The following VWA3B variants were observed in gnomAD, a reference collection of about 807,000 sequenced individuals.
VWA3B encodes the protein von Willebrand factor A domain-containing protein 3B.
In VWA3B, 138 loss-of-function variants were observed where a neutral mutation model predicts 158.3. The observed-to-expected ratio is 0.87, with a 90% CI of 0.76 to 1.00. The LOEUF is 1.00. Ranked by LOEUF, VWA3B falls within the 50% of genes least tolerant of loss-of-function variation. The probability of loss-of-function intolerance (pLI) is 0.00; values close to 1 mark genes in which losing one functional copy is unlikely to be tolerated. For synonymous variants in VWA3B, 596 were observed against 587.3 expected, an observed-to-expected ratio of 1.01 and a Z score of -0.21; for missense variants, 1,555 against 1,565.1, an observed-to-expected ratio of 0.99 and a Z score of 0.11.
At chr2:98,128,458 C>T in intron 6 of VWA3B, 50 bp downstream of exon 6, 1 of 1,594,060 alleles carries the variant, frequency 6.3e-7, no homozygotes, top group Non-Finnish European at 8.6e-7. Flanking sequence ...TGCCTGCTCA[C>T]ACAGGATCAA....
chr2:98,242,961 C>G (rs556269376), intron 19 of VWA3B, among the ~76,000 whole-genome samples: 1 of 151,828 alleles, frequency 6.6e-6, no homozygotes, highest in African/African-American at 2.4e-5. Context: ...ACAGTTATCA[C>G]AAAACCTACA....
intron 3 of VWA3B, among the ~76,000 whole-genome samples, chr2:98,117,254 A>G (rs1485115330): frequency 6.6e-6 from 1 of 152,036 alleles, no homozygotes; most frequent in Non-Finnish European, 1.5e-5. Flanking sequence ...TCATCCTTTT[A>G]AGTTGCCATC....
chr2:98,275,854 G>C (rs969252549), intron 22 of VWA3B, among the ~76,000 whole-genome samples: 9 of 152,238 alleles, frequency 5.9e-5, no homozygotes, highest in African/African-American at 1.9e-4. Context: ...GGGTAGAAGG[G>C]TGGGTAGAAG....
At chr2:98,162,397 T>C (rs1160709746) in intron 7 of VWA3B, among the ~76,000 whole-genome samples, 1 of 152,176 alleles carries the variant, frequency 6.6e-6, no homozygotes, top group African/African-American at 2.4e-5. Flanking sequence ...CAATCACTAT[T>C]ACATTGGGGG....
chr2:98,095,089 G>A lies in VWA3B; in HGVS notation c.196+1801G>A, dbSNP rs192620002. 4.8e-3 allele frequency among the ~76,000 whole-genome samples: 728 copies of A among 152,132 alleles called. 2 individuals are homozygous for A. Among genetic ancestry groups the A allele is most frequent in the Non-Finnish European group, 7.5e-3 (513 of 67,962 alleles). ...TCCAGGTTTGTTCTTTTTGCTCAAG[G>A]TTGCTTTGGGTATTCTGGCTTTCTT... is the stretch of plus-strand genomic sequence containing the variant. On this transcript the variant is annotated intron_variant, in intron 2 of 27. Coordinates refer to ENST00000477737, the MANE Select transcript of VWA3B (RefSeq NM_144992.5).
chr2:98,114,617 G>C (rs1037866840), intron 2 of VWA3B, among the ~76,000 whole-genome samples: 5 of 152,238 alleles, frequency 3.3e-5, no homozygotes, highest in Admixed American at 6.5e-5. Flanking sequence ...CCACCATTCT[G>C]TCTCCCACCT....
chr2:98,287,524 G>A (rs911266540), intron 22 of VWA3B, among the ~76,000 whole-genome samples: 1 of 152,140 alleles, frequency 6.6e-6, no homozygotes, highest in African/African-American at 2.4e-5. Flanking sequence ...GATTTTGAAG[G>A]GAGAGATGAA....
the VWA3B span, among the ~76,000 whole-genome samples, chr2:98,319,085 A>C: frequency 6.6e-6 from 1 of 152,252 alleles, no homozygotes; most frequent in East Asian, 1.9e-4. Context: ...GAAATGTTGT[A>C]TATTATAAAG....
At chr2:98,321,748 C>T in the VWA3B span, among the ~76,000 whole-genome samples, 1 of 152,140 alleles carries the variant, frequency 6.6e-6, no homozygotes, top group Non-Finnish European at 1.5e-5. Context: ...TGAGTTAATG[C>T]TGAAATGAGT....
At chr2:98,199,568 T>C (rs1682356371) in intron 12 of VWA3B, among the ~76,000 whole-genome samples, 1 of 152,186 alleles carries the variant, frequency 6.6e-6, no homozygotes, top group East Asian at 1.9e-4. Flanking sequence ...CATTAGGTTG[T>C]GTTAAAGGAG....
At chr2:98,114,609 AC>A (rs1674385843) in intron 2 of VWA3B, among the ~76,000 whole-genome samples, 1 of 152,294 alleles carries the variant, frequency 6.6e-6, no homozygotes, top group Admixed American at 6.5e-5. Flanking sequence ...CACAAGTACC[AC>A]CATTCTGTCT....
chr2:98,212,007 G>T lies in VWA3B; in HGVS notation c.1815G>T (p.Leu605=). Reference sequence around the variant, plus strand: ...AAGAAACACAGGCAATCTACCTTCTGACCGATGGGAGACCTGATCAGGTAC... The same window carrying T: ...AAGAAACACAGGCAATCTACCTTCTTACCGATGGGAGACCTGATCAGGTAC... ...ADKETQAIYL[L]TDGRPDQPPE... is the part of the protein sequence containing the mutation. Residue 605 remains leucine (L), a synonymous_variant, in exon 13 of 28, where the codon CTG becomes CTT. Coordinates refer to ENST00000477737, the MANE Select transcript of VWA3B (RefSeq NM_144992.5). 1 of 1,614,078 alleles carries T rather than the reference G, an allele frequency of 6.2e-7. No individual in the cohort carries two copies. Among genetic ancestry groups the T allele is most frequent in the South Asian group, 1.1e-5 (1 of 91,044 alleles).
intron 20 of VWA3B, among the ~76,000 whole-genome samples, chr2:98,255,676 G>A (rs187980673): frequency 6.6e-6 from 1 of 152,094 alleles, no homozygotes; most frequent in Non-Finnish European, 1.5e-5. Context: ...CAGCCAGCCT[G>A]CTTGATCTCT....
At chr2:98,243,521 A>G (rs1460620813) in intron 19 of VWA3B, among the ~76,000 whole-genome samples, 1 of 152,064 alleles carries the variant, frequency 6.6e-6, no homozygotes, top group Non-Finnish European at 1.5e-5. Flanking sequence ...TTTTTAGTAG[A>G]GATGGGGTTT....
intron 2 of VWA3B, among the ~76,000 whole-genome samples, chr2:98,105,581 T>A (rs558023681): frequency 1.3e-5 from 2 of 152,174 alleles, no homozygotes; most frequent in African/African-American, 4.8e-5. Context: ...TGAATTAGTT[T>A]CTGTATAAGG....
chr2:98,220,913 C>T (rs1217896524), intron 14 of VWA3B, among the ~76,000 whole-genome samples: 3 of 151,880 alleles, frequency 2.0e-5, no homozygotes, highest in Non-Finnish European at 4.4e-5. Flanking sequence ...AAGTGGGAGC[C>T]GAACAATGAG....
intron 2 of VWA3B, among the ~76,000 whole-genome samples, chr2:98,105,953 T>C (rs1223373586): frequency 1.3e-5 from 2 of 152,138 alleles, no homozygotes; most frequent in Non-Finnish European, 2.9e-5. Flanking sequence ...TCTCGCTCTG[T>C]TGCCCAGGCT....
chr2:98,221,807 C>A (rs536229531), intron 14 of VWA3B, among the ~76,000 whole-genome samples: 16 of 152,200 alleles, frequency 1.1e-4, no homozygotes, highest in Non-Finnish European at 1.9e-4. Context: ...CCCTCCACTC[C>A]TCTCAGGCAG....
rs766979806 is a variant in VWA3B, at chr2:98,192,945, A to G, written c.1514A>G (p.His505Arg). The G allele has an allele frequency of 4.5e-5, 72 of 1,614,078 alleles. No individual in the cohort carries two copies. Among genetic ancestry groups the G allele is most frequent in the South Asian group, 1.6e-4 (15 of 91,086 alleles). Residue 505 changes from histidine (H) to arginine (R), a missense_variant, in exon 11 of 28, where the codon CAT (histidine) becomes CGT (arginine). Transcript: ENST00000477737. ...AGTCAAAGCCTCTTTGGAAGATTGC[A>G]TAATGATTGCATCTACATTCTCATT... ...DGSQSLFGRL[H>R]NDCIYILIDT...
Sources: gnomAD v4.1 joint callset for allele counts (sites outside exome capture counted in the v4.1 genomes callset) on GRCh38, gnomAD v4.1.1 for gene constraint, MANE v1.5 for transcripts, NCBI Gene and HGNC (gene_info 2026-07-23, HGNC 2026-07-21) for gene names.